The following RIMS2 variants were observed in gnomAD, a reference collection of about 807,000 sequenced individuals.
The protein encoded by RIMS2 is regulating synaptic membrane exocytosis 2, also known as regulating synaptic membrane exocytosis protein 2.
In RIMS2, 59 loss-of-function variants were observed where a neutral mutation model predicts 174.4. The observed-to-expected ratio is 0.34, with a 90% CI of 0.27 to 0.42. The LOEUF (loss-of-function observed/expected upper bound fraction) is 0.42. RIMS2 is among the 10% of genes least tolerant of loss of function. The pLI is 1.00. For missense variants in RIMS2, 1,620 were observed against 1,666.3 expected (o/e 0.97, Z 0.48); for synonymous variants, 606 against 572.5 (o/e 1.06, Z -0.84).
chr8:103,960,116 A>G (rs994456564), intron 14 of RIMS2, among the ~76,000 whole-genome samples: 2 of 152,210 alleles, frequency 1.3e-5, no homozygotes, highest in African/African-American at 2.4e-5. Flanking sequence ...AGCAAGACTA[A>G]TAAAGAATTC....
At chr8:103,895,549 T>G (rs2154522679) in intron 4 of RIMS2, among the ~76,000 whole-genome samples, 1 of 151,654 alleles carries the variant, frequency 6.6e-6, no homozygotes, top group Non-Finnish European at 1.5e-5. Flanking sequence ...CAAAAACTAT[T>G]GTATTGGGGA....
chr8:104,182,331 C>A (rs9643004), intron 19 of RIMS2, among the ~76,000 whole-genome samples: 64,828 of 151,498 alleles, frequency 0.43, 14,545 homozygotes, highest in East Asian at 0.65. Flanking sequence ...GTACTTTTAA[C>A]AATGTACTGA....
chr8:104,216,128 A>G (rs988788422), intron 19 of RIMS2, among the ~76,000 whole-genome samples: 1 of 152,236 alleles, frequency 6.6e-6, no homozygotes, highest in African/African-American at 2.4e-5. Context: ...GGCTGAACTC[A>G]TACCCATATG....
chr8:103,742,063 G>A (rs112669054), intron 2 of RIMS2, among the ~76,000 whole-genome samples: 9 of 151,964 alleles, frequency 5.9e-5, no homozygotes, highest in African/African-American at 1.9e-4. Flanking sequence ...GTTAATGGTA[G>A]CATCTGATAC....
intron 1 of RIMS2, among the ~76,000 whole-genome samples, chr8:103,676,429 A>C (rs1047110612): frequency 6.6e-6 from 1 of 152,174 alleles, no homozygotes; most frequent in East Asian, 1.9e-4. Context: ...AAGCAAGTCT[A>C]CTTTACCTGA....
intron 19 of RIMS2, among the ~76,000 whole-genome samples, chr8:104,181,896 A>G (rs535762855): frequency 6.6e-6 from 1 of 151,676 alleles, no homozygotes; most frequent in African/African-American, 2.4e-5. Context: ...TTAATGATGC[A>G]TTTTTTACAA....
rs1157907978 is a variant in RIMS2 at position 103,746,879 on chromosome 8, A to G, written c.388-19348A>G. ...GTATTTTTAGTAGAGACAGGGTTTC[A>G]TCATATTAGCCAGGTTGGTCTCGAT... is the stretch of plus-strand genomic sequence containing the variant. On this transcript the variant is annotated intron_variant, in intron 2 of 23. Coordinates refer to ENST00000504942, the Ensembl canonical transcript of RIMS2. Among the ~76,000 whole-genome samples the G allele has an allele frequency of 2.0e-5, 3 of 151,750 alleles. No homozygotes were observed. In the East Asian group the frequency reaches 5.8e-4, roughly 29 times the overall value.
At chr8:103,680,626 G>A (rs962324971) in intron 1 of RIMS2, among the ~76,000 whole-genome samples, 3 of 151,902 alleles carry the variant, frequency 2.0e-5, no homozygotes, top group African/African-American at 7.2e-5. Flanking sequence ...GTTCAACTAT[G>A]TATATATAGG....
At chr8:103,532,987 A>G (rs1837951729) in intron 1 of RIMS2, among the ~76,000 whole-genome samples, 1 of 152,210 alleles carries the variant, frequency 6.6e-6, no homozygotes, top group South Asian at 2.1e-4. Flanking sequence ...AGTTATACTA[A>G]AGGAATATAA....
intron 3 of RIMS2, among the ~76,000 whole-genome samples, chr8:103,831,841 TATTTATCAGTTCACATA>T (rs1376819945): frequency 6.6e-6 from 1 of 152,158 alleles, no homozygotes; most frequent in Non-Finnish European, 1.5e-5. Flanking sequence ...GGAAAAAGAG[TATTTATCAGTTCACATA>T]ACTGAAAACA....
At chr8:103,642,222 A>C (rs796645085) in intron 1 of RIMS2, among the ~76,000 whole-genome samples, 23 of 151,890 alleles carry the variant, frequency 1.5e-4, no homozygotes, top group African/African-American at 5.1e-4. Flanking sequence ...CTTCCTTTTA[A>C]AATTTTATTT....
At chr8:103,899,939 G>T (rs2099318306) in intron 4 of RIMS2, among the ~76,000 whole-genome samples, 1 of 151,706 alleles carries the variant, frequency 6.6e-6, no homozygotes, top group African/African-American at 2.4e-5. Context: ...TCTACCTATG[G>T]CTAGCAAGTT....
At chr8:104,147,725 T>C (rs944275903) in intron 19 of RIMS2, among the ~76,000 whole-genome samples, 1 of 152,208 alleles carries the variant, frequency 6.6e-6, no homozygotes, top group Non-Finnish European at 1.5e-5. Context: ...TCCCTCATAG[T>C]CCTCCTAGGT....
At chr8:103,654,766 C>G (rs932593710) in intron 1 of RIMS2, among the ~76,000 whole-genome samples, 1 of 151,880 alleles carries the variant, frequency 6.6e-6, no homozygotes, top group South Asian at 2.1e-4. Context: ...TGCTTACTTT[C>G]TATTATTCAT....
At chr8:103,753,469 A>C (rs900093028) in intron 2 of RIMS2, among the ~76,000 whole-genome samples, 8 of 151,992 alleles carry the variant, frequency 5.3e-5, no homozygotes, top group Non-Finnish European at 8.8e-5. Flanking sequence ...TAGGGGGAGG[A>C]TTCCCTCTTT....
At chr8:103,838,010 G>A (rs1276098406) in intron 3 of RIMS2, among the ~76,000 whole-genome samples, 4 of 150,332 alleles carry the variant, frequency 2.7e-5, no homozygotes, top group Admixed American at 6.6e-5. Flanking sequence ...GCAGTGGCAG[G>A]ATCTCCACTT....
intron 3 of RIMS2, among the ~76,000 whole-genome samples, chr8:103,814,728 A>C (rs890649396): frequency 1.3e-5 from 2 of 152,034 alleles, no homozygotes; most frequent in African/African-American, 2.4e-5. Flanking sequence ...GAAAATCAAA[A>C]ATTATTCAGG....
At chr8:103,861,837 T>C (rs1248581959) in intron 3 of RIMS2, among the ~76,000 whole-genome samples, 1 of 152,158 alleles carries the variant, frequency 6.6e-6, no homozygotes, top group African/African-American at 2.4e-5. Context: ...AGTTTGTTTT[T>C]CTCTAGTTGA....
intron 1 of RIMS2, among the ~76,000 whole-genome samples, chr8:103,513,653 A>G (rs374054425): frequency 6.6e-6 from 1 of 152,188 alleles, no homozygotes; most frequent in African/African-American, 2.4e-5. Flanking sequence ...TGGATTTGGG[A>G]ATTGTGGTTA....
Sources: gnomAD v4.1 joint callset for allele counts (sites outside exome capture counted in the v4.1 genomes callset) on GRCh38, gnomAD v4.1.1 for gene constraint, MANE v1.5 for transcripts, NCBI Gene and HGNC (gene_info 2026-07-23, HGNC 2026-07-21) for gene names.